FNBP4: variants seen among roughly 807,000 people sequenced by gnomAD.
FNBP4 encodes the protein formin binding protein 4, also known as formin-binding protein 4.
FNBP4 carries 34 observed loss-of-function variants against 119.3 expected under a neutral mutation model. The ratio of observed to expected loss-of-function variants is 0.28; its 90% CI spans 0.22 to 0.38. The LOEUF is 0.38. Among genes scored for constraint, FNBP4 ranks in the 10% least tolerant of loss-of-function variants. The probability of loss-of-function intolerance (pLI) is 1.00; values close to 1 mark genes in which losing one functional copy is unlikely to be tolerated. For missense variants in FNBP4, 1,112 were observed against 1,228.9 expected (o/e 0.90, Z 1.42); for synonymous variants, 462 against 430.6 (o/e 1.07, Z -0.90).
chr11:47,731,820 T>C (rs2097567760), intron 11 of FNBP4: 2 of 1,153,244 alleles, frequency 1.7e-6, no homozygotes, highest in Non-Finnish European at 1.1e-6. Context: ...AGAAAACACT[T>C]TTCTCTTTTT....
chr11:47,723,272 G>T lies in FNBP4; in HGVS notation c.2509C>A (p.His837Asn), dbSNP rs1401544847. 1 of 1,613,352 alleles carries T rather than the reference G, an allele frequency of 6.2e-7. No individual in the cohort carries two copies. The highest frequency in any genetic ancestry group is 1.3e-5 in the African/African-American group (1 of 74,906). ...GIGNQATGIG[H>N]QTIPVSLPAA... ...GGAAGGCTAACTGGTATTGTCTGAT[G>T]TCCAATTCCTGTTGCCTGGTTTCCA... is the stretch of plus-strand genomic sequence containing the variant. The change falls in exon 15 of 17, where the codon CAT becomes AAT. Residue 837 changes from histidine (H) to asparagine (N), a missense_variant. Around this residue, in one of 2 missense-constraint regions of FNBP4, gnomAD observed 826 missense variants for 988.8 expected, o/e 0.84. Coordinates refer to ENST00000263773, the MANE Select transcript of FNBP4 (RefSeq NM_015308.5).
chr11:47,724,712 A>C lies in FNBP4; in HGVS notation c.2075T>G (p.Phe692Cys). Residue 692 changes from phenylalanine (F) to cysteine (C), a missense_variant, in exon 13 of 17, where the codon TTC becomes TGC. Phe to Cys is a radical substitution (Grantham distance 205, BLOSUM62 -2). Coordinates refer to ENST00000263773, the MANE Select transcript of FNBP4 (RefSeq NM_015308.5). ...SSSSLMPLTP[F>C]WTLLQSNVPV... ...AACATTTGACTGAAGGAGGGTCCAG[A>C]ATGGAGTAAGTGGCATGAGTGATGA... 6.2e-7 allele frequency: 1 copy of C among 1,611,990 alleles called. No individual in the cohort carries two copies. Among genetic ancestry groups the C allele is most frequent in the East Asian group, 2.2e-5 (1 of 44,834 alleles).
intron 8 of FNBP4, among the ~76,000 whole-genome samples, chr11:47,738,237 A>C (rs1201729284): frequency 6.6e-6 from 1 of 152,144 alleles, no homozygotes; most frequent in African/African-American, 2.4e-5. Context: ...CTGCATACTC[A>C]AACTAATTCA....
chr11:47,738,524 C>G (rs1194138970), intron 8 of FNBP4, among the ~76,000 whole-genome samples: 2 of 152,062 alleles, frequency 1.3e-5, no homozygotes, highest in Non-Finnish European at 2.9e-5. Flanking sequence ...GAGATTGCAC[C>G]ATTGCAGTCC....
rs1051286480 is a variant in FNBP4, at chr11:47,719,779, A to C, written c.2963+150T>G. ...TCTATAAGGAATTAAACATGTTTAT[A>C]AATTAGAAACCTTTAGATAAATTTA... On this transcript the variant is annotated intron_variant, in intron 16 of 16. Coordinates refer to ENST00000263773, the MANE Select transcript of FNBP4 (RefSeq NM_015308.5). The C allele has an allele frequency of 8.5e-6, 7 of 828,188 alleles. No individual in the cohort carries two copies. In the African/African-American group the frequency reaches 1.2e-4, roughly 15 times the overall value. 51.3% of individuals were successfully genotyped at this position (828,188 alleles called of 1,614,324 possible). A position where few individuals can be genotyped will look rare whatever the true frequency, so the allele number is the denominator to read the frequency against.
In FNBP4 at chr11:47,719,572, GTGTA is replaced by G. The variant is rs1211916235; in HGVS notation, c.2963+353_2963+356del. On this transcript the variant is annotated intron_variant, in intron 16 of 16. Coordinates refer to ENST00000263773, the MANE Select transcript of FNBP4 (RefSeq NM_015308.5). ...TGTAAAATAAGTTAATATGTTATGTGTGTATGTGTGTGTGTGTGTGTGTGTGTGT... is the reference window on the plus strand; with the variant it reads ...TGTAAAATAAGTTAATATGTTATGTGTGTGTGTGTGTGTGTGTGTGTGTGT... Among the ~76,000 whole-genome samples the G allele has an allele frequency of 6.0e-4, 53 of 88,176 alleles. 1 individual carries two copies. Among genetic ancestry groups the G allele is most frequent in the Middle Eastern group, 6.1e-3 (1 of 164 alleles). 57.8% of individuals were successfully genotyped at this position (88,176 alleles called of 152,430 possible).
chr11:47,765,281 A>G lies in FNBP4; in HGVS notation c.302T>C (p.Val101Ala). Residue 101 changes from valine to alanine, a missense_variant, in exon 2 of 17, where the codon GTT (valine) becomes GCT (alanine). By Grantham distance (64) the Val-to-Ala change is moderately conservative. Coordinates refer to ENST00000263773, the MANE Select transcript of FNBP4 (RefSeq NM_015308.5). Reference protein sequence around the residue: ...KPVMTTRPTAVKATGGLCLLG... With the variant: ...KPVMTTRPTAAKATGGLCLLG... ...AAACAAAAGCATACCTGTTGCTTTA[A>G]CAGCTGTGGGTCTAGTGGTCATGAC... 6.2e-7 allele frequency: 1 copy of G among 1,607,206 alleles called. No homozygotes were observed. The highest frequency in any genetic ancestry group is 8.5e-7 in the Non-Finnish European group (1 of 1,177,130).
At chr11:47,724,957 G>T in intron 12 of FNBP4, 179 bp from the exon 13 acceptor site, 3 of 822,766 alleles carry the variant, frequency 3.6e-6, no homozygotes, top group Non-Finnish European at 5.3e-6. Context: ...AAAAAATTTG[G>T]CCCACAGGCA....
At chr11:47,731,778 C>T in intron 11 of FNBP4, 1 of 1,282,846 alleles carries the variant, frequency 7.8e-7, no homozygotes, top group Non-Finnish European at 9.8e-7. Flanking sequence ...TGAATACAGC[C>T]CTGAACCCTC....
chr11:47,751,157 C>A lies in FNBP4; in HGVS notation c.771G>T (p.Gln257His), dbSNP rs1291761501. 1 of 1,614,110 alleles carries A rather than the reference C, an allele frequency of 6.2e-7. No individual in the cohort carries two copies. Among genetic ancestry groups the A allele is most frequent in the Admixed American group, 1.7e-5 (1 of 60,006 alleles). ...QYLATQVQGL[Q>H]HYQPSSVPGA... ...TTTATTCTTACCTGGGCTGGTAATG[C>A]TGTAATCCCTGTACCTGTGTGGCAA... is the stretch of plus-strand genomic sequence containing the variant. The change falls in exon 5 of 17, where the codon CAG (glutamine) becomes CAT (histidine). Residue 257 changes from glutamine to histidine, a missense_variant. By Grantham distance (24) the Gln-to-His change is conservative. Around this residue, in one of 2 missense-constraint regions of FNBP4, gnomAD observed 826 missense variants for 988.8 expected, o/e 0.84. Transcript: ENST00000263773.
intron 7 of FNBP4, 90 bp from the exon 8 acceptor site, chr11:47,744,253 T>C: frequency 8.0e-7 from 1 of 1,242,388 alleles, no homozygotes; most frequent in Non-Finnish European, 1.1e-6. Flanking sequence ...TTGTTGAAAT[T>C]TAAATTCTTT....
chr11:47,730,695 T>C (rs2097566376), intron 12 of FNBP4, among the ~76,000 whole-genome samples: 1 of 152,238 alleles, frequency 6.6e-6, no homozygotes, highest in African/African-American at 2.4e-5. Context: ...GGTGGAAGTT[T>C]CTTTACACAT....
chr11:47,767,172 C>G lies in FNBP4; in HGVS notation c.117G>C (p.Pro39=). 6.4e-7 allele frequency: 1 copy of G among 1,555,732 alleles called. No homozygotes were observed. The highest frequency in any genetic ancestry group is 8.7e-7 in the Non-Finnish European group (1 of 1,155,896). Residue 39 remains proline, a synonymous_variant, in exon 1 of 17, where the codon CCG becomes CCC. Transcript: ENST00000263773. The stretch of plus-strand genomic sequence containing the variant: ...GGCTGGGGACCGCCGCGGTTGAGTC[C>G]GGCTCAGTGTCGGGTTCCGGCTCCG... ...RDPEPEPDTE[P]DSTAAVPSQP... is the part of the protein sequence containing the mutation.
chr11:47,719,568 ATGTGTGTATGTGTGTGTGTG>A (rs1314732219), intron 16 of FNBP4, among the ~76,000 whole-genome samples: 3 of 104,822 alleles, frequency 2.9e-5, no homozygotes, highest in Non-Finnish European at 3.8e-5. Flanking sequence ...TTAATATGTT[ATGTGTGTATGTGTGTGTGTG>A]TGTGTGTGTG....
In FNBP4 at chr11:47,754,593, G is replaced by A; in HGVS notation, c.385C>T (p.Gln129Ter). The A allele has an allele frequency of 1.2e-6, 2 of 1,614,146 alleles. No homozygotes were observed. The highest frequency in any genetic ancestry group is 1.7e-6 in the Non-Finnish European group (2 of 1,180,028). Residue 129 changes from glutamine to a stop codon, truncating the protein, a stop_gained, in exon 3 of 17, where the codon CAA becomes TAA. Transcript: ENST00000263773. LOFTEE classifies it high-confidence loss of function. ...TGGTTTCCATTTGTCTCTTTGGATT[G>A]TGCTAGTTTTTCGGAAACATCATTG... ...DDNDVSEKLA[Q>*]SKETNGNQST...
chr11:47,731,962 C>T (rs2097567985), intron 11 of FNBP4: 7 of 996,880 alleles, frequency 7.0e-6, no homozygotes, highest in South Asian at 4.6e-5. Flanking sequence ...CCTCTTGGAC[C>T]GTGGAATTCA....
In FNBP4 at chr11:47,767,244, C is replaced by T. The variant is rs1266500781; in HGVS notation, c.45G>A (p.Leu15=). Reference sequence around the variant, plus strand: ...CCCGAGGACCCGGCGGAGAGAGTTGCAGGATGGGCCTACGGCCGGGTACCG... The same window carrying T: ...CCCGAGGACCCGGCGGAGAGAGTTGTAGGATGGGCCTACGGCCGGGTACCG... ...SRAVPGRRPI[L]QLSPPGPRGS... The change falls in exon 1 of 17, where the codon CTG becomes CTA. Residue 15 remains leucine, a synonymous_variant. Transcript: ENST00000263773. 1.3e-6 allele frequency: 2 copies of T among 1,568,628 alleles called. No individual in the cohort carries two copies. The highest frequency in any genetic ancestry group is 2.4e-5 in the East Asian group (1 of 42,528).
intron 2 of FNBP4, among the ~76,000 whole-genome samples, chr11:47,756,694 C>T (rs193036067): frequency 1.6e-4 from 24 of 149,478 alleles, no homozygotes; most frequent in African/African-American, 4.4e-4. Flanking sequence ...ATCCCTCCCC[C>T]ACCCCCGACC....
At chr11:47,746,765 C>A (rs1448374438) in intron 6 of FNBP4, among the ~76,000 whole-genome samples, 1 of 152,146 alleles carries the variant, frequency 6.6e-6, no homozygotes, top group African/African-American at 2.4e-5. Flanking sequence ...CCCACCTCAG[C>A]CTCCCAAAGT....
Sources: gnomAD v4.1 joint callset for allele counts (sites outside exome capture counted in the v4.1 genomes callset) on GRCh38, gnomAD v4.1.1 for gene constraint, gnomAD v4.1.1 regional missense constraint, MANE v1.5 for transcripts, NCBI Gene and HGNC (gene_info 2026-07-23, HGNC 2026-07-21) for gene names.